Variants in SORT1 observed in about 807,000 individuals in gnomAD.
The protein encoded by SORT1 is sortilin 1.
SORT1 carries 39 observed loss-of-function variants against 101.7 expected under a neutral mutation model. That is an observed-to-expected ratio of 0.38 (90% CI 0.30 to 0.50). The LOEUF is 0.50. Ranked by LOEUF, SORT1 falls within the 20% of genes least tolerant of loss-of-function variation. SORT1 has a pLI of 0.90. For missense variants in SORT1, 878 were observed against 1,040.4 expected (o/e 0.84, Z 2.15); for synonymous variants, 396 against 393.7 (o/e 1.01, Z -0.07).
chr1:109,352,765 A>G (rs1266632592), intron 5 of SORT1, among the ~76,000 whole-genome samples: 3 of 152,206 alleles, frequency 2.0e-5, no homozygotes, highest in Non-Finnish European at 4.4e-5. Context: ...TATGTACTTC[A>G]GATTTACCCT....
intron 3 of SORT1, among the ~76,000 whole-genome samples, chr1:109,366,061 A>C (rs1651068362): frequency 1.3e-5 from 2 of 152,216 alleles, no homozygotes; most frequent in Admixed American, 1.3e-4. Context: ...TTACTTCTTT[A>C]GGTCTCTAGG....
intron 1 of SORT1, among the ~76,000 whole-genome samples, chr1:109,386,462 G>A (rs146902855): frequency 7.4e-4 from 113 of 152,324 alleles, no homozygotes; most frequent in Non-Finnish European, 1.2e-3. Context: ...AGAAGCAACA[G>A]ACCATATGGG....
chr1:109,317,738 C>G (rs1647324707), intron 16 of SORT1, 115 bp downstream of exon 16: 1 of 741,052 alleles, frequency 1.3e-6, no homozygotes, highest in Non-Finnish European at 2.3e-6. Context: ...CCTCCCCAAC[C>G]CCGCCAAAAA....
At chr1:109,347,841 G>A (rs922318123) in intron 6 of SORT1, among the ~76,000 whole-genome samples, 19 of 152,306 alleles carry the variant, frequency 1.2e-4, no homozygotes, top group Middle Eastern at 6.8e-3. Flanking sequence ...GGTGGGTGGC[G>A]GAGGTGTTAT....
chr1:109,382,508 A>G (rs1049429897), intron 1 of SORT1, among the ~76,000 whole-genome samples: 1 of 152,188 alleles, frequency 6.6e-6, no homozygotes, highest in Non-Finnish European at 1.5e-5. Context: ...TAGGTCAAAG[A>G]GCCCCTGCTA....
chr1:109,366,295 T>C (rs142860956), intron 3 of SORT1, among the ~76,000 whole-genome samples: 98 of 152,342 alleles, frequency 6.4e-4, no homozygotes, highest in African/African-American at 2.1e-3. Flanking sequence ...CAAAGCACTT[T>C]GGTAGGTCCG....
At chr1:109,321,121 T>C (rs1647599058) in intron 15 of SORT1, among the ~76,000 whole-genome samples, 1 of 152,184 alleles carries the variant, frequency 6.6e-6, no homozygotes, top group African/African-American at 2.4e-5. Context: ...TCAATAAATG[T>C]TAGCTGCTAT....
chr1:109,358,930 C>T (rs1650522639), intron 3 of SORT1, among the ~76,000 whole-genome samples: 1 of 151,452 alleles, frequency 6.6e-6, no homozygotes, highest in African/African-American at 2.4e-5. Context: ...TTCTGGTTAC[C>T]AAAAATAAAT....
In SORT1 at chr1:109,310,759, G is replaced by A. The variant is rs544543174; in HGVS notation, c.*3284C>T. 1.3e-5 allele frequency: 2 copies of A among 152,550 alleles called. No individual in the cohort carries two copies. The highest frequency in any genetic ancestry group is 4.1e-4 in the South Asian group (2 of 4,828). The allele number at this position is 152,550 out of a possible 1,614,324, so 9.4% of individuals were successfully genotyped here. On this transcript the variant is annotated 3_prime_UTR_variant, in exon 20 of 20. Coordinates refer to ENST00000256637, the MANE Select transcript of SORT1 (RefSeq NM_002959.7). The stretch of plus-strand genomic sequence containing the variant: ...ATGGTTGGCCTGGAAACTAAATAAT[G>A]ACTAATGCCAGGCCAGCCCCGTTAC...
chr1:109,389,334 A>G (rs1570992373), intron 1 of SORT1, among the ~76,000 whole-genome samples: 1 of 152,212 alleles, frequency 6.6e-6, no homozygotes, highest in African/African-American at 2.4e-5. Flanking sequence ...TGAGGGTACT[A>G]TGACCTTGAG....
In SORT1 at chr1:109,312,417, C is replaced by G. The variant is rs182814221; in HGVS notation, c.*1626G>C. 1 of 152,604 alleles carries G rather than the reference C, an allele frequency of 6.6e-6. No homozygotes were observed. The highest frequency in any genetic ancestry group is 1.9e-4 in the East Asian group (1 of 5,176). The allele number at this position is 152,604 out of a possible 1,614,324, so 9.5% of individuals were successfully genotyped here. A position where few individuals can be genotyped will look rare whatever the true frequency, so the allele number is the denominator to read the frequency against. On this transcript the variant is annotated 3_prime_UTR_variant, in exon 20 of 20. Transcript: ENST00000256637. ...ATCTCTAAAAGTCTCCATCCACTCT[C>G]TCCCCCACTTTCCACGCAGCTGTTA...
Position 109,397,684 on chromosome 1 carries a change from G to A in SORT1, c.209C>T (p.Pro70Leu), listed in dbSNP as rs1333678235. The change falls in exon 1 of 20, where the codon CCC (proline) becomes CTC (leucine). Residue 70 changes from proline (P) to leucine (L), a missense_variant. Around this residue, in one of 2 missense-constraint regions of SORT1, gnomAD observed 194 missense variants for 145.9 expected, o/e 1.33. Transcript: ENST00000256637. ...GCTGCGACGCCAACGGCCGCCGCGG[G>A]GAAACGCGCCCCCGGCTGCGGCCGC... ...LRAAAAGGAF[P>L]RGGRWRRSAP... 3 of 1,199,792 alleles carry A rather than the reference G, an allele frequency of 2.5e-6. No homozygotes were observed. The highest frequency in any genetic ancestry group is 3.1e-6 in the Non-Finnish European group (3 of 967,192). 74.3% of individuals were successfully genotyped at this position (1,199,792 alleles called of 1,614,324 possible).
At chr1:109,391,850 T>C (rs918232252) in intron 1 of SORT1, among the ~76,000 whole-genome samples, 8 of 152,162 alleles carry the variant, frequency 5.3e-5, no homozygotes, top group Admixed American at 2.6e-4. Context: ...GACCACATAG[T>C]GGGAAGAACA....
intron 10 of SORT1, among the ~76,000 whole-genome samples, chr1:109,339,851 G>T (rs1425117322): frequency 2.0e-5 from 3 of 152,056 alleles, no homozygotes; most frequent in African/African-American, 7.2e-5. Flanking sequence ...GTCCATCAAT[G>T]GAGGAATAAA....
rs11805626 is a variant in SORT1 at position 109,313,741 on chromosome 1, G to A, written c.*302C>T. 1,631 of 400,820 alleles carry A rather than the reference G, an allele frequency of 4.1e-3. 29 individuals carry two copies. The highest frequency in any genetic ancestry group is 0.034 in the African/African-American group (1,482 of 43,552). 24.8% of individuals were successfully genotyped at this position (400,820 alleles called of 1,614,324 possible). A position where few individuals can be genotyped will look rare whatever the true frequency, so the allele number is the denominator to read the frequency against. On this transcript the variant is annotated 3_prime_UTR_variant, in exon 20 of 20. Coordinates refer to ENST00000256637, the MANE Select transcript of SORT1 (RefSeq NM_002959.7). ...AAAAGGTCCCTTCGAATTCCATTTC[G>A]TTTCCCTTAAAAAACAAAAACAAAA...
intron 16 of SORT1, among the ~76,000 whole-genome samples, chr1:109,317,241 C>G (rs972945861): frequency 3.3e-5 from 5 of 152,164 alleles, no homozygotes; most frequent in African/African-American, 1.2e-4. Flanking sequence ...AGCTCATTAA[C>G]AAGTGGTACA....
rs780940618 is a variant in SORT1, at chr1:109,313,999, A to C, written c.*44T>G. ...TGGAGCCACAGGGAGTGTAAGAGGTACTGTGGTTCCACCATCCATGCTGGG... is the reference window on the plus strand; with the variant it reads ...TGGAGCCACAGGGAGTGTAAGAGGTCCTGTGGTTCCACCATCCATGCTGGG... On this transcript the variant is annotated 3_prime_UTR_variant, in exon 20 of 20. Transcript: ENST00000256637. 19 of 1,587,116 alleles carry C rather than the reference A, an allele frequency of 1.2e-5. No individual in the cohort carries two copies. The highest frequency in any genetic ancestry group is 1.6e-5 in the Non-Finnish European group (18 of 1,155,764).
chr1:109,341,974 T>C (rs1261383254), intron 9 of SORT1, 40 bp downstream of exon 9: 2 of 1,584,490 alleles, frequency 1.3e-6, no homozygotes, highest in Non-Finnish European at 8.7e-7. Context: ...AAAGCTTACA[T>C]CTCTATGCTT....
At chr1:109,384,852 T>G (rs1652475451) in intron 1 of SORT1, among the ~76,000 whole-genome samples, 1 of 151,906 alleles carries the variant, frequency 6.6e-6, no homozygotes, top group Non-Finnish European at 1.5e-5. Context: ...CCAAGGCAGG[T>G]GGATCACTTG....
Sources: allele counts gnomAD v4.1 joint callset (sites outside exome capture counted in the v4.1 genomes callset), GRCh38; gene constraint gnomAD v4.1.1; regional missense constraint gnomAD v4.1.1; transcripts MANE v1.5; gene names NCBI Gene and HGNC (gene_info 2026-07-23, HGNC 2026-07-21).